CPSF2: variants seen among roughly 807,000 people sequenced by gnomAD.
CPSF2 encodes cleavage and polyadenylation specific factor 2, also known as cleavage and polyadenylation specificity factor subunit 2.
CPSF2 carries 51 observed loss-of-function variants against 84.2 expected under a neutral mutation model. That is an observed-to-expected ratio of 0.61 (90% CI 0.48 to 0.77). The LOEUF (loss-of-function observed/expected upper bound fraction) is 0.77, where lower values mean the gene tolerates loss of function less well. CPSF2 is among the 30% of genes least tolerant of loss of function. The pLI, the probability that CPSF2 is intolerant of heterozygous loss-of-function variation, is 0.00. For missense variants in CPSF2, 641 were observed against 929.4 expected, an observed-to-expected ratio of 0.69 and a Z score of 4.03; for synonymous variants, 286 against 311.9, an observed-to-expected ratio of 0.92 and a Z score of 0.87.
rs2069514239 is a variant in CPSF2, at chr14:92,171,278, A to T, written c.*9534A>T. ...TTAGCTGGGACTACAGGCATGCATC[A>T]CCACACCCAGATTATTTTTAAAGTT... On this transcript the variant is annotated 3_prime_UTR_variant, in exon 16 of 16. Coordinates refer to ENST00000298875, the MANE Select transcript of CPSF2 (RefSeq NM_017437.3). The T allele has an allele frequency of 6.6e-6, 1 of 152,146 alleles. No individual in the cohort carries two copies. Among genetic ancestry groups the T allele is most frequent in the Non-Finnish European group, 1.5e-5 (1 of 68,036 alleles). 9.4% of individuals were successfully genotyped at this position (152,146 alleles called of 1,614,324 possible).
chr14:92,123,901 A>G (rs1330403494), intron 1 of CPSF2, among the ~76,000 whole-genome samples: 1 of 152,240 alleles, frequency 6.6e-6, no homozygotes, highest in Admixed American at 6.5e-5. Flanking sequence ...TACATTGAAC[A>G]TCCATTCAAC....
At chr14:92,132,553 C>G (rs2068945950) in intron 3 of CPSF2, among the ~76,000 whole-genome samples, 1 of 151,744 alleles carries the variant, frequency 6.6e-6, no homozygotes, top group African/African-American at 2.4e-5. Context: ...GGGCAGATCA[C>G]TTGAGGTCAG....
intron 9 of CPSF2, among the ~76,000 whole-genome samples, chr14:92,147,527 T>G (rs2069158800): frequency 6.6e-6 from 1 of 152,304 alleles, no homozygotes; most frequent in South Asian, 2.1e-4. Context: ...TAAAAATTTA[T>G]TATAGCAACA....
At chr14:92,134,832 A>G (rs1032367098) in intron 5 of CPSF2, among the ~76,000 whole-genome samples, 5 of 152,218 alleles carry the variant, frequency 3.3e-5, no homozygotes, top group African/African-American at 1.2e-4. Context: ...AGATAATTGT[A>G]TTAGATATTT....
At chr14:92,129,532 A>G (rs751635790) in intron 2 of CPSF2, among the ~76,000 whole-genome samples, 25 of 152,152 alleles carry the variant, frequency 1.6e-4, no homozygotes, top group Non-Finnish European at 2.8e-4. Context: ...GTAAGAAATT[A>G]TTAGGTAACT....
At chr14:92,161,327 G>T in intron 15 of CPSF2, 81 bp downstream of exon 15, 2 of 1,452,834 alleles carry the variant, frequency 1.4e-6, no homozygotes, top group Non-Finnish European at 1.8e-6. Context: ...ATTCTTGTTT[G>T]GTATTTTCAC....
Position 92,157,585 on chromosome 14 carries a change from T to C in CPSF2, c.1596-74T>C, listed in dbSNP as rs2069307052. On this transcript the variant is annotated intron_variant, in intron 12 of 15. Coordinates refer to ENST00000298875, the MANE Select transcript of CPSF2 (RefSeq NM_017437.3). The surrounding 1 kb of genome is among the most constrained non-coding windows in gnomAD (Gnocchi z 4.0). Reference sequence around the variant, plus strand: ...TTTCTCAAATCCTAGTGTTATATATTGTATACATGATAAAAGCCATTTTTT... The same window carrying C: ...TTTCTCAAATCCTAGTGTTATATATCGTATACATGATAAAAGCCATTTTTT... 4.5e-6 allele frequency: 4 copies of C among 882,810 alleles called. No homozygotes were observed. Among genetic ancestry groups the C allele is most frequent in the Non-Finnish European group, 7.2e-6 (4 of 554,002 alleles). The allele number at this position is 882,810 out of a possible 1,614,324, so 54.7% of individuals were successfully genotyped here.
At chr14:92,159,341 AT>A (rs1471752138) in intron 14 of CPSF2, 59 bp downstream of exon 14, 1 of 1,433,442 alleles carries the variant, frequency 7.0e-7, no homozygotes, top group African/African-American at 1.4e-5. Flanking sequence ...TCTAGTTTTC[AT>A]GTCTTTTGGT....
Position 92,161,793 on chromosome 14 carries a change from ATTC to A in CPSF2, c.*52_*54del, listed in dbSNP as rs2069376880. 9.5e-7 allele frequency: 1 copy of A among 1,047,914 alleles called. No homozygotes were observed. Among genetic ancestry groups the A allele is most frequent in the East Asian group, 2.7e-5 (1 of 37,314 alleles). 64.9% of individuals were successfully genotyped at this position (1,047,914 alleles called of 1,614,324 possible). ...TGCTTGACCTTTCTAAGAAAAAGGG[ATTC>A]TTATCTTACTCTGAGCTTTTGATGT... On this transcript the variant is annotated 3_prime_UTR_variant, in exon 16 of 16. Coordinates refer to ENST00000298875, the MANE Select transcript of CPSF2 (RefSeq NM_017437.3).
intron 9 of CPSF2, among the ~76,000 whole-genome samples, chr14:92,146,163 G>C (rs1357278160): frequency 6.6e-6 from 1 of 152,210 alleles, no homozygotes; most frequent in East Asian, 1.9e-4. Flanking sequence ...CCCTGATCGA[G>C]AAATAGAATA....
At chr14:92,136,997 G>A (rs1243706522) in intron 6 of CPSF2, among the ~76,000 whole-genome samples, 1 of 150,692 alleles carries the variant, frequency 6.6e-6, no homozygotes, top group Non-Finnish European at 1.5e-5. Context: ...TGACATACAG[G>A]TTCAAATGTC....
At position 92,157,368 on chromosome 14, in the gene CPSF2, G is replaced by A. The variant is rs554110752; in HGVS notation, c.1596-291G>A. On this transcript the variant is annotated intron_variant, in intron 12 of 15. Transcript: ENST00000298875. This position sits in a 1 kb window ranked among gnomAD's most constrained non-coding sequence, Gnocchi z 4.0. ...ACTGAAAATGCAAAATTATCCCTGC[G>A]TGGTGGTGCATGCCTATAATCCCAG... Among the ~76,000 whole-genome samples the A allele has an allele frequency of 1.3e-4, 20 of 152,198 alleles. No homozygotes were observed. Among genetic ancestry groups the A allele is most frequent in the Middle Eastern group, 3.4e-3 (1 of 294 alleles).
In CPSF2 at chr14:92,169,776, G is replaced by C. The variant is rs1403609668; in HGVS notation, c.*8032G>C. ...TAAGAAAAGCTTCACATTTATTTCA[G>C]CTATTCTATTGAATACTTTTACCTA... On this transcript the variant is annotated 3_prime_UTR_variant, in exon 16 of 16. Coordinates refer to ENST00000298875, the MANE Select transcript of CPSF2 (RefSeq NM_017437.3). 6.7e-6 allele frequency: 1 copy of C among 150,352 alleles called. No homozygotes were observed. The highest frequency in any genetic ancestry group is 1.5e-5 in the Non-Finnish European group (1 of 67,850). The allele number at this position is 150,352 out of a possible 1,614,324, so 9.3% of individuals were successfully genotyped here.
At chr14:92,122,827 C>A (rs959710497) in intron 1 of CPSF2, among the ~76,000 whole-genome samples, 1 of 151,732 alleles carries the variant, frequency 6.6e-6, no homozygotes, top group African/African-American at 2.4e-5. Context: ...ATTTTACAAC[C>A]CCTTTAACCC....
Position 92,151,326 on chromosome 14 carries a change from G to A in CPSF2, c.1141-3032G>A, listed in dbSNP as rs1007871210. ...AAGGGTTGCTTGAACCTGGGAGTTC[G>A]AGGCTGCAGTGAGCAGTGATCATGC... On this transcript the variant is annotated intron_variant, in intron 9 of 15. Coordinates refer to ENST00000298875, the MANE Select transcript of CPSF2 (RefSeq NM_017437.3). Among the ~76,000 whole-genome samples, 3 of 152,096 alleles carry A rather than the reference G, an allele frequency of 2.0e-5. No individual in the cohort carries two copies. The East Asian group carries it at 5.8e-4, about 29-fold the overall frequency.
At chr14:92,133,666 A>G (rs1156567310) in intron 3 of CPSF2, among the ~76,000 whole-genome samples, 1 of 145,130 alleles carries the variant, frequency 6.9e-6, no homozygotes, top group East Asian at 2.1e-4. Context: ...GTGTTTTGCC[A>G]TGTTGCCCAG....
In CPSF2 at chr14:92,121,992, C is replaced by T. The variant is rs1012666576; in HGVS notation, c.-230C>T. The T allele has an allele frequency of 2.4e-5, 17 of 697,222 alleles. No homozygotes were observed. The highest frequency in any genetic ancestry group is 3.6e-5 in the Non-Finnish European group (15 of 417,024). 43.2% of individuals were successfully genotyped at this position (697,222 alleles called of 1,614,324 possible). A position where few individuals can be genotyped will look rare whatever the true frequency, so the allele number is the denominator to read the frequency against. ...CCGCTAGTCTCCAGCTCCAAAATGG[C>T]GGCTGCCACTGTGGGGCTTCTGCCG... On this transcript the variant is annotated 5_prime_UTR_variant, in exon 1 of 16. Coordinates refer to ENST00000298875, the MANE Select transcript of CPSF2 (RefSeq NM_017437.3).
At chr14:92,154,269 T>G (rs1213284917) in intron 9 of CPSF2, 89 bp from the exon 10 acceptor site, 1 of 826,358 alleles carries the variant, frequency 1.2e-6, no homozygotes, top group Non-Finnish European at 1.9e-6. Flanking sequence ...ATAGAGCAAT[T>G]TAGAGATGTG....
intron 1 of CPSF2, among the ~76,000 whole-genome samples, chr14:92,125,869 A>G (rs899404360): frequency 2.6e-5 from 4 of 152,276 alleles, no homozygotes; most frequent in South Asian, 2.1e-4. Flanking sequence ...CACCTCTTCT[A>G]TGATTCTCAA....
Sources: allele counts gnomAD v4.1 joint callset (sites outside exome capture counted in the v4.1 genomes callset), GRCh38; gene constraint gnomAD v4.1.1; non-coding constraint Gnocchi (gnomAD v3.1); transcripts MANE v1.5; gene names NCBI Gene and HGNC (gene_info 2026-07-23, HGNC 2026-07-21).